The following GPATCH2 variants were observed in gnomAD, a reference collection of about 807,000 sequenced individuals.
The protein encoded by GPATCH2 is G-patch domain containing 2, also known as G patch domain-containing protein 2.
A neutral mutation model predicts 58.0 loss-of-function variants in GPATCH2; 51 were observed. That is an observed-to-expected ratio of 0.88 (90% CI 0.70 to 1.11). The LOEUF is 1.11. Ranked by LOEUF, GPATCH2 falls within the 50% of genes most tolerant of loss-of-function variation. The pLI is 0.00. For synonymous variants in GPATCH2, 222 were observed against 218.5 expected (o/e 1.02, Z -0.14); for missense variants, 625 against 652.2 (o/e 0.96, Z 0.45).
intron 5 of GPATCH2, among the ~76,000 whole-genome samples, chr1:217,526,534 A>T (rs1316199179): frequency 6.6e-6 from 1 of 152,236 alleles, no homozygotes; most frequent in African/African-American, 2.4e-5. Flanking sequence ...GTTAACAAAT[A>T]GCAGTGTAAG....
At chr1:217,553,725 T>C (rs1239352691) in intron 5 of GPATCH2, among the ~76,000 whole-genome samples, 2 of 152,194 alleles carry the variant, frequency 1.3e-5, no homozygotes, top group East Asian at 3.8e-4. Context: ...GTTTCGATTG[T>C]GAGTCAAGTT....
chr1:217,589,375 T>A (rs960841639), intron 5 of GPATCH2, among the ~76,000 whole-genome samples: 1 of 151,980 alleles, frequency 6.6e-6, no homozygotes, highest in African/African-American at 2.4e-5. Flanking sequence ...GTGGCTACCC[T>A]GCTATTCTTC....
intron 8 of GPATCH2, among the ~76,000 whole-genome samples, chr1:217,452,853 A>G (rs1054619822): frequency 1.3e-5 from 2 of 152,220 alleles, no homozygotes; most frequent in African/African-American, 4.8e-5. Context: ...GACCTGAGCC[A>G]TAAGAAAAAC....
intron 5 of GPATCH2, among the ~76,000 whole-genome samples, chr1:217,564,273 T>G: frequency 6.6e-6 from 1 of 152,138 alleles, no homozygotes; most frequent in East Asian, 1.9e-4. Context: ...GTTGTCACCT[T>G]GCAGCTCAAT....
At chr1:217,586,131 T>C (rs1457757724) in intron 5 of GPATCH2, among the ~76,000 whole-genome samples, 1 of 152,196 alleles carries the variant, frequency 6.6e-6, no homozygotes, top group East Asian at 1.9e-4. Context: ...GACACTAATG[T>C]AGACTTTATA....
chr1:217,477,706 C>G (rs1661027939), intron 8 of GPATCH2, among the ~76,000 whole-genome samples: 1 of 152,116 alleles, frequency 6.6e-6, no homozygotes, highest in Non-Finnish European at 1.5e-5. Context: ...AGGACTGCAA[C>G]TACTGGTGTG....
intron 3 of GPATCH2, among the ~76,000 whole-genome samples, chr1:217,613,631 AG>A (rs771865094): frequency 2.0e-5 from 3 of 152,144 alleles, no homozygotes; most frequent in Non-Finnish European, 4.4e-5. Flanking sequence ...GAAGTTTCAA[AG>A]ATGGAAAACA....
chr1:217,446,463 A>G (rs997924944), intron 9 of GPATCH2, among the ~76,000 whole-genome samples: 2 of 152,118 alleles, frequency 1.3e-5, no homozygotes, highest in African/African-American at 2.4e-5. Context: ...TTGAATTTGG[A>G]TAATAATCTT....
intron 8 of GPATCH2, among the ~76,000 whole-genome samples, chr1:217,470,521 A>G (rs1474581875): frequency 6.6e-6 from 1 of 152,202 alleles, no homozygotes; most frequent in Non-Finnish European, 1.5e-5. Flanking sequence ...AGCACCCTCC[A>G]AAATTCTAAG....
At chr1:217,487,640 G>A (rs1661517378) in intron 8 of GPATCH2, among the ~76,000 whole-genome samples, 1 of 152,090 alleles carries the variant, frequency 6.6e-6, no homozygotes, top group Non-Finnish European at 1.5e-5. Context: ...TGGCCAGGCT[G>A]ATCTCCAACT....
intron 8 of GPATCH2, among the ~76,000 whole-genome samples, chr1:217,477,747 C>G (rs1288921794): frequency 6.6e-6 from 1 of 152,096 alleles, no homozygotes; most frequent in Non-Finnish European, 1.5e-5. Flanking sequence ...TAACAGAACA[C>G]CAGGTAGACT....
chr1:217,628,295 C>T (rs1165071518), intron 1 of GPATCH2, among the ~76,000 whole-genome samples: 1 of 152,030 alleles, frequency 6.6e-6, no homozygotes, highest in African/African-American at 2.4e-5. Flanking sequence ...ACAAGCCAGA[C>T]ACTCTAGGCT....
intron 5 of GPATCH2, among the ~76,000 whole-genome samples, chr1:217,531,518 T>G (rs1258927578): frequency 6.6e-6 from 1 of 152,184 alleles, no homozygotes; most frequent in Non-Finnish European, 1.5e-5. Context: ...AAAACCATTC[T>G]AATACCTATC....
intron 5 of GPATCH2, among the ~76,000 whole-genome samples, chr1:217,548,551 A>T (rs1665188062): frequency 6.6e-6 from 1 of 152,202 alleles, no homozygotes; most frequent in Non-Finnish European, 1.5e-5. Flanking sequence ...TCAATAGTTT[A>T]TTCAGTTCAC....
chr1:217,618,228 T>A (rs1227054452), intron 2 of GPATCH2, among the ~76,000 whole-genome samples: 1 of 151,014 alleles, frequency 6.6e-6, no homozygotes, highest in African/African-American at 2.4e-5. Context: ...AAACTTTTTT[T>A]TTTTTTTTTT....
rs1658402171 is a variant in GPATCH2 at position 217,428,377 on chromosome 1, A to G, written c.*2768T>C. Reference sequence around the variant, plus strand: ...GATACATTCTAAATCTTGGGGTTCTATGGACGTTGTAACTGGCAAAAAATT... The same window carrying G: ...GATACATTCTAAATCTTGGGGTTCTGTGGACGTTGTAACTGGCAAAAAATT... On this transcript the variant is annotated 3_prime_UTR_variant, in exon 10 of 10. Coordinates refer to ENST00000366935, the MANE Select transcript of GPATCH2 (RefSeq NM_018040.5). The G allele has an allele frequency of 6.6e-6, 1 of 152,198 alleles. No individual in the cohort carries two copies. The highest frequency in any genetic ancestry group is 6.5e-5 in the Admixed American group (1 of 15,276). 9.4% of individuals were successfully genotyped at this position (152,198 alleles called of 1,614,324 possible).
intron 5 of GPATCH2, among the ~76,000 whole-genome samples, chr1:217,571,972 A>G (rs12567931): frequency 2.3e-4 from 23 of 101,610 alleles, no homozygotes; most frequent in East Asian, 1.7e-3. Flanking sequence ...AAGGAAGGAA[A>G]GAAAGAAAGA....
rs544036429 is a variant in GPATCH2 at position 217,429,658 on chromosome 1, T to C, written c.*1487A>G. On this transcript the variant is annotated 3_prime_UTR_variant, in exon 10 of 10. Coordinates refer to ENST00000366935, the MANE Select transcript of GPATCH2 (RefSeq NM_018040.5). ...GCCTGGCCAACATGGTGAAACTCCG[T>C]CTATACTAAAAATACAAAAATTATC... The C allele has an allele frequency of 2.0e-5, 3 of 151,936 alleles. No individual in the cohort carries two copies. The highest frequency in any genetic ancestry group is 6.6e-5 in the Admixed American group (1 of 15,224). 9.4% of individuals were successfully genotyped at this position (151,936 alleles called of 1,614,324 possible). A position where few individuals can be genotyped will look rare whatever the true frequency, so the allele number is the denominator to read the frequency against.
chr1:217,488,232 G>A (rs142189116), intron 8 of GPATCH2, among the ~76,000 whole-genome samples: 1,701 of 152,238 alleles, frequency 0.011, 14 homozygotes, highest in Non-Finnish European at 0.018. Flanking sequence ...TACCAGTTTG[G>A]ATGCAAGGTT....
Sources: allele counts gnomAD v4.1 joint callset (sites outside exome capture counted in the v4.1 genomes callset), GRCh38; gene constraint gnomAD v4.1.1; transcripts MANE v1.5; gene names NCBI Gene and HGNC (gene_info 2026-07-23, HGNC 2026-07-21).